The following TRAPPC10 variants were observed in gnomAD, a reference collection of about 807,000 sequenced individuals.
TRAPPC10 encodes the protein trafficking protein particle complex subunit 10.
Under a neutral mutation model 125.5 loss-of-function variants are expected in TRAPPC10, and 23 were observed. The observed-to-expected ratio is 0.18, with a 90% confidence interval of 0.13 to 0.26. The LOEUF is 0.26. Ranked by LOEUF, TRAPPC10 falls within the 10% of genes least tolerant of loss-of-function variation. TRAPPC10 has a pLI of 1.00. For missense variants in TRAPPC10, 1,123 were observed against 1,308.4 expected (o/e 0.86, Z 2.19); for synonymous variants, 509 against 518.0 (o/e 0.98, Z 0.24).
At chr21:44,025,406 G>C (rs1445754031) in intron 1 of TRAPPC10, among the ~76,000 whole-genome samples, 1 of 152,196 alleles carries the variant, frequency 6.6e-6, no homozygotes, top group South Asian at 2.1e-4. Flanking sequence ...ACAGTACTGT[G>C]GTTCAAACTG....
rs1387561869 is a variant in TRAPPC10 at position 44,087,997 on chromosome 21, G to A, written c.2769+69G>A. On this transcript the variant is annotated intron_variant, in intron 17 of 22. Transcript: ENST00000291574. This position sits in a 1 kb window ranked among gnomAD's most constrained non-coding sequence, Gnocchi z 4.6. The stretch of plus-strand genomic sequence containing the variant: ...CGCCCGCCTGCCTGCTGGGAAAGGC[G>A]ATGTAGCGATGCCTGCTGTTAGCCT... 10 of 1,340,326 alleles carry A rather than the reference G, an allele frequency of 7.5e-6. No homozygotes were observed. Among genetic ancestry groups the A allele is most frequent in the African/African-American group, 4.3e-5 (3 of 68,984 alleles). The allele number at this position is 1,340,326 out of a possible 1,614,324, so 83.0% of individuals were successfully genotyped here.
chr21:44,064,318 T>A (rs1661798931), intron 7 of TRAPPC10, among the ~76,000 whole-genome samples: 1 of 151,118 alleles, frequency 6.6e-6, no homozygotes, highest in Non-Finnish European at 1.5e-5. Context: ...TGTGTGTGTG[T>A]GTGTGTGTGT....
intron 13 of TRAPPC10, among the ~76,000 whole-genome samples, chr21:44,081,407 C>G (rs1272707607): frequency 1.3e-5 from 2 of 152,122 alleles, no homozygotes; most frequent in African/African-American, 2.4e-5. Flanking sequence ...AATCTACACA[C>G]CTCGGTCTCC....
intron 1 of TRAPPC10, 79 bp downstream of exon 1, chr21:44,012,639 G>T: frequency 1.5e-6 from 2 of 1,312,562 alleles, no homozygotes; most frequent in South Asian, 2.6e-5. Context: ...GGCGCCCCCA[G>T]ACCTTCAGCC....
At position 44,059,339 on chromosome 21, in the gene TRAPPC10, A is replaced by G. The variant is rs972300611; in HGVS notation, c.790+125A>G. On this transcript the variant is annotated intron_variant, in intron 6 of 22. Coordinates refer to ENST00000291574, the MANE Select transcript of TRAPPC10 (RefSeq NM_003274.5). This position sits in a 1 kb window ranked among gnomAD's most constrained non-coding sequence, Gnocchi z 4.4. The stretch of plus-strand genomic sequence containing the variant: ...ATGTTTTGTTGTTGTCTTTATACAC[A>G]TTATATCGGATATATTCTCGTGATT... 31 of 693,840 alleles carry G rather than the reference A, an allele frequency of 4.5e-5. No individual in the cohort carries two copies. The South Asian group carries it at 4.8e-4, about 11-fold the overall frequency. The allele number at this position is 693,840 out of a possible 1,614,324, so 43.0% of individuals were successfully genotyped here.
intron 20 of TRAPPC10, among the ~76,000 whole-genome samples, chr21:44,095,784 G>T (rs2038893489): frequency 6.6e-6 from 1 of 152,118 alleles, no homozygotes; most frequent in African/African-American, 2.4e-5. Flanking sequence ...TGGCCAGGCT[G>T]GTCTTGAACT....
intron 3 of TRAPPC10, among the ~76,000 whole-genome samples, chr21:44,046,028 A>G (rs1354018833): frequency 1.3e-5 from 2 of 151,844 alleles, no homozygotes; most frequent in East Asian, 3.9e-4. Context: ...TCATGTTTGT[A>G]CAAAACCAGA....
At chr21:44,062,799 A>G (rs1664492090) in intron 6 of TRAPPC10, 1 of 985,346 alleles carries the variant, frequency 1.0e-6, no homozygotes, top group Admixed American at 6.1e-5. Flanking sequence ...GGAGCGTTTA[A>G]CCATGCCAGG....
intron 17 of TRAPPC10, chr21:44,089,156 C>A (rs2038391605): frequency 3.3e-6 from 1 of 299,652 alleles, no homozygotes; most frequent in Non-Finnish European, 6.7e-6. Flanking sequence ...GTGCTGTGTG[C>A]TGTGTTATCC....
chr21:44,052,956 C>T (rs575380419), intron 4 of TRAPPC10, among the ~76,000 whole-genome samples: 5 of 152,248 alleles, frequency 3.3e-5, no homozygotes, highest in Admixed American at 2.6e-4. Flanking sequence ...GGGCTTTCTC[C>T]GCCTTGCCCT....
intron 6 of TRAPPC10, chr21:44,060,211 C>A (rs1167890567): frequency 6.6e-6 from 1 of 151,266 alleles, no homozygotes; most frequent in Non-Finnish European, 1.5e-5. Context: ...AGAACCAAAG[C>A]AAAGTGTTTA....
At position 44,084,228 on chromosome 21, in the gene TRAPPC10, C is replaced by T. The variant is rs765209003; in HGVS notation, c.2345C>T (p.Ser782Leu). The T allele has an allele frequency of 3.7e-6, 6 of 1,613,906 alleles. No individual in the cohort carries two copies. In the Admixed American group the frequency reaches 8.3e-5, roughly 22 times the overall value. Reference protein sequence around the residue: ...IYPIVQYDVYSQEPQLHVEPL... With the variant: ...IYPIVQYDVYLQEPQLHVEPL... ...CCCATTGTGCAGTACGACGTGTACTCACAGGAGCCCCAGCTGCACGTGGAG... is the reference window on the plus strand; with the variant it reads ...CCCATTGTGCAGTACGACGTGTACTTACAGGAGCCCCAGCTGCACGTGGAG... The change falls in exon 15 of 23, where the codon TCA (serine) becomes TTA (leucine). Residue 782 changes from serine to leucine, a missense_variant. Around this residue, in one of 4 missense-constraint regions of TRAPPC10, gnomAD observed 840 missense variants for 902.0 expected, o/e 0.93. Transcript: ENST00000291574.
intron 4 of TRAPPC10, 45 bp from the exon 5 acceptor site, chr21:44,055,653 G>A: frequency 6.7e-7 from 1 of 1,499,756 alleles, no homozygotes; most frequent in African/African-American, 1.4e-5. Context: ...TCGTGGTGCT[G>A]TGCATGGAGG....
chr21:44,012,452 C>T lies in TRAPPC10; in HGVS notation c.-42C>T, dbSNP rs1434933386. 1.4e-5 allele frequency: 19 copies of T among 1,376,902 alleles called. No individual in the cohort carries two copies. Among genetic ancestry groups the T allele is most frequent in the East Asian group, 3.6e-5 (1 of 27,474 alleles). The allele number at this position is 1,376,902 out of a possible 1,614,324, so 85.3% of individuals were successfully genotyped here. On this transcript the variant is annotated 5_prime_UTR_variant, in exon 1 of 23. Transcript: ENST00000291574. ...TGGGCCCGGCGCGGCCTCGGGGCTG[C>T]CCATGGGGCGCGGGGGGCCGGGCCG... is the stretch of plus-strand genomic sequence containing the variant.
At chr21:44,049,204 T>C (rs1379514059) in intron 3 of TRAPPC10, among the ~76,000 whole-genome samples, 2 of 152,162 alleles carry the variant, frequency 1.3e-5, no homozygotes, top group Admixed American at 6.5e-5. Flanking sequence ...TACATCTGTA[T>C]TTCGTGTGTA....
chr21:44,092,448 A>G (rs1336547112), intron 19 of TRAPPC10, among the ~76,000 whole-genome samples: 1 of 152,222 alleles, frequency 6.6e-6, no homozygotes, highest in East Asian at 1.9e-4. Flanking sequence ...TTGTGCCTGC[A>G]TCTGGACCTT....
At position 44,063,209 on chromosome 21, in the gene TRAPPC10, A is replaced by G. The variant is rs190345640; in HGVS notation, c.791-329A>G. 2.5e-4 allele frequency: 313 copies of G among 1,272,312 alleles called. No homozygotes were observed. Among genetic ancestry groups the G allele is most frequent in the Non-Finnish European group, 3.0e-4 (295 of 988,096 alleles). The allele number at this position is 1,272,312 out of a possible 1,614,324, so 78.8% of individuals were successfully genotyped here. ...CCCAGCCCCGCTGCAGCCTAAGACT[A>G]GAGCCCTCCCTCGGCCTGAGACAGA... On this transcript the variant is annotated intron_variant, in intron 6 of 22. Transcript: ENST00000291574. This position sits in a 1 kb window ranked among gnomAD's most constrained non-coding sequence, Gnocchi z 4.4.
At chr21:44,079,992 C>T (rs367645732) in intron 12 of TRAPPC10, 23 bp from the exon 13 acceptor site, 43 of 1,602,180 alleles carry the variant, frequency 2.7e-5, no homozygotes, top group Middle Eastern at 1.6e-4. Flanking sequence ...AGCCTCTCCA[C>T]GCTCCTTACC....
In TRAPPC10 at chr21:44,046,898, G is replaced by A. The variant is rs1601648232; in HGVS notation, c.286-5382G>A. On this transcript the variant is annotated intron_variant, in intron 3 of 22. Transcript: ENST00000291574. The stretch of plus-strand genomic sequence containing the variant: ...GGCTGTGTTGTACACAGCGGCAGTC[G>A]CGCCCACACGTCCATGACTGGCCGT... The A allele has an allele frequency of 1.2e-5, 10 of 826,290 alleles. No individual in the cohort carries two copies. In the East Asian group the frequency reaches 1.9e-4, roughly 16 times the overall value. 51.2% of individuals were successfully genotyped at this position (826,290 alleles called of 1,614,324 possible).
Sources: gnomAD v4.1 joint callset for allele counts (sites outside exome capture counted in the v4.1 genomes callset) on GRCh38, gnomAD v4.1.1 for gene constraint, gnomAD v4.1.1 regional missense constraint, Gnocchi (gnomAD v3.1) non-coding constraint, MANE v1.5 for transcripts, NCBI Gene and HGNC (gene_info 2026-07-23, HGNC 2026-07-21) for gene names.